Variants in ERO1A observed in about 807,000 individuals in gnomAD.
ERO1A encodes endoplasmic reticulum oxidoreductase 1 alpha.
In ERO1A, 49 loss-of-function variants were observed where a neutral mutation model predicts 76.9. The ratio of observed to expected loss-of-function variants is 0.64; its 90% CI spans 0.51 to 0.81. The LOEUF (loss-of-function observed/expected upper bound fraction) is 0.81. ERO1A is among the 30% of genes least tolerant of loss of function. ERO1A has a pLI of 0.00. For missense variants in ERO1A, 448 were observed against 542.1 expected (o/e 0.83, Z 1.72); for synonymous variants, 174 against 181.2 (o/e 0.96, Z 0.32).
chr14:52,653,877 T>A (rs1307531117), intron 11 of ERO1A, among the ~76,000 whole-genome samples: 1 of 152,128 alleles, frequency 6.6e-6, no homozygotes, highest in Admixed American at 6.5e-5. Flanking sequence ...CCTGCAAACA[T>A]ACAGAATTTT....
At chr14:52,666,268 T>A in intron 7 of ERO1A, 107 bp downstream of exon 7, 1 of 845,852 alleles carries the variant, frequency 1.2e-6, no homozygotes, top group East Asian at 2.7e-5. Flanking sequence ...CAAACACATC[T>A]TTTAACAAAG....
At chr14:52,652,331 T>C in intron 12 of ERO1A, 23 bp from the exon 13 acceptor site, 1 of 1,499,392 alleles carries the variant, frequency 6.7e-7, no homozygotes, top group Non-Finnish European at 9.3e-7. Context: ...ACAGAGAATA[T>C]TCATTTTCAT....
Position 52,649,730 on chromosome 14 carries a change from C to A in ERO1A, c.1125+2509G>T, listed in dbSNP as rs527723960. 2.1e-4 allele frequency among the ~76,000 whole-genome samples: 32 copies of A among 151,920 alleles called. 1 individual carries two copies. In the Middle Eastern group the frequency reaches 0.021, roughly 98 times the overall value. ...CATCTTCCCCCTCACTTTCTAGTTC[C>A]TGGAAGCTGTTTAGGCAGATTATAT... On this transcript the variant is annotated intron_variant, in intron 13 of 15. Transcript: ENST00000395686.
intron 6 of ERO1A, among the ~76,000 whole-genome samples, chr14:52,668,983 G>A (rs1164989082): frequency 1.3e-5 from 2 of 151,892 alleles, no homozygotes. Flanking sequence ...GGCCCTTATA[G>A]GAAAATGCCA....
chr14:52,664,841 A>G (rs984294697), intron 7 of ERO1A, among the ~76,000 whole-genome samples: 1 of 151,880 alleles, frequency 6.6e-6, no homozygotes, highest in Non-Finnish European at 1.5e-5. Flanking sequence ...ACAGGTGCCC[A>G]CCACTACGCC....
chr14:52,695,475 G>T lies in ERO1A; in HGVS notation c.7C>A (p.Arg3Ser). The T allele has an allele frequency of 6.6e-7, 1 of 1,518,936 alleles. No individual in the cohort carries two copies. Among genetic ancestry groups the T allele is most frequent in the Non-Finnish European group, 8.8e-7 (1 of 1,130,704 alleles). The allele number at this position is 1,518,936 out of a possible 1,614,324, so 94.1% of individuals were successfully genotyped here. A position where few individuals can be genotyped will look rare whatever the true frequency, so the allele number is the denominator to read the frequency against. The change falls in exon 1 of 16, where the codon CGC becomes AGC. Residue 3 changes from arginine (R) to serine (S), a missense_variant. Around this residue, in one of 2 missense-constraint regions of ERO1A, gnomAD observed 146 missense variants for 130.2 expected, o/e 1.12. Transcript: ENST00000395686. MG[R>S]GWGFLFGLLG... ...AGGCCAAACAAGAATCCCCAGCCGC[G>T]GCCCATTGCAGCTCCGGCAGCTTGT...
chr14:52,688,807 T>C (rs2041262153), intron 1 of ERO1A, among the ~76,000 whole-genome samples: 1 of 152,208 alleles, frequency 6.6e-6, no homozygotes, highest in Admixed American at 6.5e-5. Context: ...GTACCGCTTG[T>C]TCACTACTCT....
chr14:52,684,336 G>A (rs1042538557), intron 1 of ERO1A, among the ~76,000 whole-genome samples: 6 of 152,078 alleles, frequency 3.9e-5, no homozygotes, highest in Non-Finnish European at 8.8e-5. Context: ...ACTCCATCAT[G>A]TGAACTGAGG....
chr14:52,647,461 T>C (rs928179448), intron 13 of ERO1A, among the ~76,000 whole-genome samples: 4 of 151,852 alleles, frequency 2.6e-5, no homozygotes, highest in Non-Finnish European at 5.9e-5. Context: ...TTTAGAAAAA[T>C]TTGTCACAAG....
chr14:52,668,409 G>C (rs1428722641), intron 6 of ERO1A, among the ~76,000 whole-genome samples: 2 of 151,892 alleles, frequency 1.3e-5, no homozygotes, highest in African/African-American at 4.8e-5. Flanking sequence ...GCCGGGCATG[G>C]TGATGCATGC....
intron 1 of ERO1A, among the ~76,000 whole-genome samples, chr14:52,689,628 A>G (rs2041290953): frequency 6.6e-6 from 1 of 152,192 alleles, no homozygotes; most frequent in African/African-American, 2.4e-5. Flanking sequence ...GATTAAAAAA[A>G]CTGAAGATTA....
At chr14:52,681,051 C>T (rs1053376625) in intron 3 of ERO1A, among the ~76,000 whole-genome samples, 1 of 152,072 alleles carries the variant, frequency 6.6e-6, no homozygotes, top group Admixed American at 6.6e-5. Flanking sequence ...GAATGTAAAA[C>T]GGTACAGCCA....
At chr14:52,678,255 A>G in intron 4 of ERO1A, 179 bp downstream of exon 4, 1 of 443,760 alleles carries the variant, frequency 2.3e-6, no homozygotes, top group Non-Finnish European at 4.0e-6. Context: ...AAATAAAATA[A>G]AATACATAAA....
At position 52,651,538 on chromosome 14, in the gene ERO1A, G is replaced by C. The variant is rs1233395942; in HGVS notation, c.1125+701C>G. On this transcript the variant is annotated intron_variant, in intron 13 of 15. Transcript: ENST00000395686. Reference sequence around the variant, plus strand: ...GTTACTTTGAATATAATGCAAAATAGACTTTAAGTGGCACCTGCCTTTGGA... The same window carrying C: ...GTTACTTTGAATATAATGCAAAATACACTTTAAGTGGCACCTGCCTTTGGA... 4.6e-5 allele frequency among the ~76,000 whole-genome samples: 7 copies of C among 152,232 alleles called. No individual in the cohort carries two copies. In the South Asian group the frequency reaches 1.2e-3, roughly 27 times the overall value.
At chr14:52,693,952 A>C (rs1358964624) in intron 1 of ERO1A, among the ~76,000 whole-genome samples, 4 of 152,210 alleles carry the variant, frequency 2.6e-5, no homozygotes, top group Non-Finnish European at 4.4e-5. Flanking sequence ...CACTAGTTAG[A>C]AGAAAAAGAA....
rs928705085 is a variant in ERO1A, at chr14:52,642,172, T to C, written c.*1398A>G. 2.0e-5 allele frequency: 3 copies of C among 152,132 alleles called. No individual in the cohort carries two copies. The highest frequency in any genetic ancestry group is 6.5e-5 in the Admixed American group (1 of 15,274). 9.4% of individuals were successfully genotyped at this position (152,132 alleles called of 1,614,324 possible). ...AGCTTTATAAATGAAGAGCTTCCAC[T>C]AATGAAAACCTCCCAAAATTACAGT... is the stretch of plus-strand genomic sequence containing the variant. On this transcript the variant is annotated 3_prime_UTR_variant, in exon 16 of 16. Coordinates refer to ENST00000395686, the MANE Select transcript of ERO1A (RefSeq NM_014584.3).
intron 13 of ERO1A, 112 bp downstream of exon 13, chr14:52,652,126 CT>C (rs770328502): frequency 2.4e-5 from 14 of 581,222 alleles, no homozygotes; most frequent in Non-Finnish European, 3.6e-5. Context: ...GCCACTGCCC[CT>C]GGCCTACTCT....
intron 13 of ERO1A, chr14:52,646,731 A>T (rs1384113186): frequency 6.9e-6 from 2 of 287,878 alleles, no homozygotes; most frequent in Non-Finnish European, 1.3e-5. Flanking sequence ...TAACTTGCCT[A>T]AATTCCCACA....
At position 52,640,604 on chromosome 14, in the gene ERO1A, C is replaced by G. The variant is rs758925672; in HGVS notation, c.*2966G>C. 2 of 152,106 alleles carry G rather than the reference C, an allele frequency of 1.3e-5. No homozygotes were observed. Among genetic ancestry groups the G allele is most frequent in the Non-Finnish European group, 2.9e-5 (2 of 68,068 alleles). The allele number at this position is 152,106 out of a possible 1,614,324, so 9.4% of individuals were successfully genotyped here. A position where few individuals can be genotyped will look rare whatever the true frequency, so the allele number is the denominator to read the frequency against. On this transcript the variant is annotated 3_prime_UTR_variant, in exon 16 of 16. Coordinates refer to ENST00000395686, the MANE Select transcript of ERO1A (RefSeq NM_014584.3). ...AGCCTGCTGTGGTAACATTGAGCAA[C>G]AGAGAGGAGACCAGCTAGGTATAGG...
Sources: gnomAD v4.1 joint callset for allele counts (sites outside exome capture counted in the v4.1 genomes callset) on GRCh38, gnomAD v4.1.1 for gene constraint, gnomAD v4.1.1 regional missense constraint, MANE v1.5 for transcripts, NCBI Gene and HGNC (gene_info 2026-07-23, HGNC 2026-07-21) for gene names.